SGSH: variants seen among roughly 807,000 people sequenced by gnomAD.
SGSH encodes the protein N-sulfoglucosamine sulfohydrolase, also known as heparan sulfate sulfatase.
A neutral mutation model predicts 51.0 loss-of-function variants in SGSH; 48 were observed. The ratio of observed to expected loss-of-function variants is 0.94; its 90% CI spans 0.75 to 1.20. The LOEUF (loss-of-function observed/expected upper bound fraction) is 1.20. Ranked by LOEUF, SGSH falls within the 50% of genes most tolerant of loss-of-function variation. The pLI is 0.00. For missense variants in SGSH, 662 were observed against 717.8 expected (o/e 0.92, Z 0.89); for synonymous variants, 321 against 313.4 (o/e 1.02, Z -0.26).
Position 80,220,329 on chromosome 17 carries a change from G to T in SGSH, c.-16C>A, listed in dbSNP as rs566268948. ...GGCAGCTCATGGCGGCGGCGGCTCG[G>T]ACTCGGGATCGGGATCCGGCTCCGG... On this transcript the variant is annotated 5_prime_UTR_variant, in exon 1 of 8. Transcript: ENST00000326317. 1.3e-6 allele frequency: 2 copies of T among 1,482,968 alleles called. No homozygotes were observed. The highest frequency in any genetic ancestry group is 1.8e-6 in the Non-Finnish European group (2 of 1,122,396). The allele number at this position is 1,482,968 out of a possible 1,614,324, so 91.9% of individuals were successfully genotyped here.
chr17:80,204,044 C>G (rs1015923037), downstream of SGSH: 3 of 791,862 alleles, frequency 3.8e-6, no homozygotes. Flanking sequence ...AGGGCAGGGT[C>G]TGCAGCCCCT....
downstream of SGSH, chr17:80,204,497 A>G: frequency 1.5e-6 from 1 of 658,476 alleles, no homozygotes; most frequent in East Asian, 3.0e-5. Flanking sequence ...GGTGGCGCAC[A>G]CCTGTAATCC....
intron 2 of SGSH, 165 bp downstream of exon 2, chr17:80,216,867 T>G (rs567448573): frequency 6.2e-5 from 42 of 679,164 alleles, no homozygotes; most frequent in South Asian, 6.1e-4. Context: ...TCGGAGCCCC[T>G]AGTCTGCACT....
At position 80,214,605 on chromosome 17, in the gene SGSH, C is replaced by G. The variant is rs549782167; in HGVS notation, c.506+10G>C. 1.2e-6 allele frequency: 2 copies of G among 1,611,156 alleles called. No homozygotes were observed. The highest frequency in any genetic ancestry group is 1.7e-6 in the Non-Finnish European group (2 of 1,179,068). ...CGCCAGGGGGAAGGGGCAGGGGCCCCGACTCATACCGGTCATCCTGAGTCT... is the reference window on the plus strand; with the variant it reads ...CGCCAGGGGGAAGGGGCAGGGGCCCGGACTCATACCGGTCATCCTGAGTCT... On this transcript the variant is annotated intron_variant, in intron 4 of 7. Coordinates refer to ENST00000326317, the MANE Select transcript of SGSH (RefSeq NM_000199.5).
chr17:80,218,097 C>T (rs948161243), intron 1 of SGSH, among the ~76,000 whole-genome samples: 6 of 152,228 alleles, frequency 3.9e-5, no homozygotes, highest in Non-Finnish European at 7.3e-5. Context: ...GCGTGTTAGC[C>T]GGCTAGGCAT....
rs104894640 is a variant in SGSH at position 80,210,856 on chromosome 17, C to A, written c.1105G>T (p.Glu369Ter). 4.3e-6 allele frequency: 7 copies of A among 1,613,622 alleles called. No individual in the cohort carries two copies. The highest frequency in any genetic ancestry group is 5.9e-6 in the Non-Finnish European group (7 of 1,180,016). Residue 369 changes from glutamate (E) to a stop codon, truncating the protein, a stop_gained, in exon 8 of 8, where the codon GAG (glutamate) becomes TAG (stop). Coordinates refer to ENST00000326317, the MANE Select transcript of SGSH (RefSeq NM_000199.5). LOFTEE classifies it high-confidence loss of function. ...CGCATGGGGTAGGACATGGTGACCT[C>A]GTGGTGGCTCTGGCTGCCAAAGACG... ...ATVFGSQSHH[E>*]VTMSYPMRSV... is the part of the protein sequence containing the mutation.
chr17:80,215,140 T>C lies in SGSH; in HGVS notation c.250-2A>G, dbSNP rs745319635. ...CAGCCCGTACATCCCATTCTGATGC[T>C]GCCAGCAAAGGCGCATGAGGTCCGG... On this transcript the variant is annotated splice_acceptor_variant, in intron 2 of 7. Coordinates refer to ENST00000326317, the MANE Select transcript of SGSH (RefSeq NM_000199.5). LOFTEE classifies it high-confidence loss of function. The C allele has an allele frequency of 9.9e-6, 16 of 1,609,820 alleles. No individual in the cohort carries two copies. The highest frequency in any genetic ancestry group is 1.7e-6 in the Non-Finnish European group (2 of 1,179,328).
chr17:80,215,062 A>C lies in SGSH; in HGVS notation c.326T>G (p.Leu109Arg). 1 of 1,611,942 alleles carries C rather than the reference A, an allele frequency of 6.2e-7. No homozygotes were observed. Among genetic ancestry groups the C allele is most frequent in the Non-Finnish European group, 8.5e-7 (1 of 1,179,902 alleles). ...NSFDKVRSLP[L>R]LLSQAGVRTG... ...GCGCACACCAGCTTGGCTGAGCAGCAGCGGCAGGCTCCGCACCTTGTCGAA... is the reference window on the plus strand; with the variant it reads ...GCGCACACCAGCTTGGCTGAGCAGCCGCGGCAGGCTCCGCACCTTGTCGAA... The change falls in exon 3 of 8, where the codon CTG (leucine) becomes CGG (arginine). Residue 109 changes from leucine (L) to arginine (R), a missense_variant. By Grantham distance (102) the Leu-to-Arg change is moderately radical. Coordinates refer to ENST00000326317, the MANE Select transcript of SGSH (RefSeq NM_000199.5).
rs1488462647 is a variant in SGSH, at chr17:80,209,638, T to C, written c.*814A>G. 7 of 940,554 alleles carry C rather than the reference T, an allele frequency of 7.4e-6. No individual in the cohort carries two copies. Among genetic ancestry groups the C allele is most frequent in the Non-Finnish European group, 7.6e-6 (6 of 790,392 alleles). 58.3% of individuals were successfully genotyped at this position (940,554 alleles called of 1,614,324 possible). ...GGGCATTGCCACCCAGCAACGCCAG[T>C]GTCACCGAAGAATTAACCCAAGCCA... On this transcript the variant is annotated 3_prime_UTR_variant, in exon 8 of 8. Transcript: ENST00000326317.
rs368406494 is a variant in SGSH at position 80,212,050 on chromosome 17, C to T, written c.949+21G>A. ...AGATCCACTCCCACACCTTTCCTGA[C>T]GGAGACAGACAAAGGCATACCTAGG... On this transcript the variant is annotated intron_variant, in intron 7 of 7. Transcript: ENST00000326317. The surrounding 1 kb of genome is among the most constrained non-coding windows in gnomAD (Gnocchi z 5.9). The T allele has an allele frequency of 2.9e-5, 47 of 1,607,944 alleles. No individual in the cohort carries two copies. The highest frequency in any genetic ancestry group is 6.7e-5 in the East Asian group (3 of 44,846).
Position 80,213,559 on chromosome 17 carries a change from C to T in SGSH, c.745+245G>A, listed in dbSNP as rs892808383. The T allele has an allele frequency of 1.7e-6, 1 of 580,994 alleles. No homozygotes were observed. Among genetic ancestry groups the T allele is most frequent in the African/African-American group, 1.9e-5 (1 of 53,536 alleles). The allele number at this position is 580,994 out of a possible 1,614,324, so 36.0% of individuals were successfully genotyped here. ...TGTGACTGGAAATATCTGAAGTCTT[C>T]ACGCAACCTCTGGGGCACCCGAAGG... On this transcript the variant is annotated intron_variant, in intron 6 of 7. Transcript: ENST00000326317. This position sits in a 1 kb window ranked among gnomAD's most constrained non-coding sequence, Gnocchi z 4.6.
rs143223388 is a variant in SGSH, at chr17:80,210,980, C to T, written c.981G>A (p.Ser327=). The change falls in exon 8 of 8, where the codon TCG becomes TCA. Residue 327 remains serine (S), a synonymous_variant. Coordinates refer to ENST00000326317, the MANE Select transcript of SGSH (RefSeq NM_000199.5). ...DLTPTILDWF[S]IPYPSYAIFG... ...AGATGGCGTAGCTGGGGTACGGGAT[C>T]GAGAACCAATCCAAGATGGTGGGCG... 47 of 1,599,266 alleles carry T rather than the reference C, an allele frequency of 2.9e-5. No individual in the cohort carries two copies. Among genetic ancestry groups the T allele is most frequent in the South Asian group, 1.9e-4 (17 of 91,076 alleles).
At chr17:80,204,000 C>A (rs368429580), downstream of SGSH, 54 of 901,012 alleles carry the variant, frequency 6.0e-5, 1 homozygote, top group African/African-American at 5.7e-4. The surrounding 1 kb of genome is among the most constrained non-coding windows in gnomAD (Gnocchi z 4.6). Flanking sequence ...TGGAGGGTAA[C>A]CCCACCTGTC....
downstream of SGSH, chr17:80,203,629 T>C (rs1311677869): frequency 7.6e-6 from 4 of 522,920 alleles, no homozygotes; most frequent in African/African-American, 2.0e-5. This position sits in a 1 kb window ranked among gnomAD's most constrained non-coding sequence, Gnocchi z 4.6. Flanking sequence ...CTGGAGTCTT[T>C]TGAAAGCTCT....
Position 80,210,818 on chromosome 17 carries a change from G to C in SGSH, c.1143C>G (p.His381Gln), listed in dbSNP as rs754489648. The C allele has an allele frequency of 6.2e-7, 1 of 1,613,940 alleles. No homozygotes were observed. The highest frequency in any genetic ancestry group is 8.5e-7 in the Non-Finnish European group (1 of 1,180,046). Reference protein sequence around the residue: ...TMSYPMRSVQHRHFRLVHNLN... With the variant: ...TMSYPMRSVQQRHFRLVHNLN... ...GGTTGTGCACGAGGCGGAAGTGCCG[G>C]TGCTGCACGGAGCGCATGGGGTAGG... is the stretch of plus-strand genomic sequence containing the variant. The change falls in exon 8 of 8, where the codon CAC becomes CAG. Residue 381 changes from histidine to glutamine, a missense_variant. His to Gln is a conservative substitution (Grantham distance 24). Transcript: ENST00000326317.
Position 80,213,851 on chromosome 17 carries a change from C to G in SGSH, c.698G>C (p.Arg233Pro). 1 of 1,608,668 alleles carries G rather than the reference C, an allele frequency of 6.2e-7. No individual in the cohort carries two copies. The highest frequency in any genetic ancestry group is 8.5e-7 in the Non-Finnish European group (1 of 1,179,312). ...GGTGTACTGAGCGGCCAGGTCGGCT[C>G]GGGCTGCCGGGGTGTTGGGGACGAA... Reference protein sequence around the residue: ...PYFVPNTPAARADLAAQYTTV... With the variant: ...PYFVPNTPAAPADLAAQYTTV... Residue 233 changes from arginine to proline, a missense_variant, in exon 6 of 8, where the codon CGA becomes CCA. Arg to Pro is a moderately radical substitution (Grantham distance 103). Coordinates refer to ENST00000326317, the MANE Select transcript of SGSH (RefSeq NM_000199.5). The surrounding 1 kb of genome is among the most constrained non-coding windows in gnomAD (Gnocchi z 4.6).
chr17:80,203,818 G>GCA (rs2041123174), downstream of SGSH: 1 of 1,570,030 alleles, frequency 6.4e-7, no homozygotes, highest in Non-Finnish European at 8.6e-7. The surrounding 1 kb of genome is among the most constrained non-coding windows in gnomAD (Gnocchi z 4.6). Context: ...GCTGGTCTCT[G>GCA]CAGGGCTCAG....
downstream of SGSH, chr17:80,201,817 T>G: frequency 6.2e-7 from 1 of 1,614,042 alleles, no homozygotes; most frequent in South Asian, 1.1e-5. The surrounding 1 kb of genome is among the most constrained non-coding windows in gnomAD (Gnocchi z 5.0). Flanking sequence ...GCCGTGGGGC[T>G]TCTCAGGAGG....
In SGSH at chr17:80,213,719, T is replaced by C; in HGVS notation, c.745+85A>G. ...GCCACACTGGGACCCTCACCCACAT[T>C]ATGCCGTGACCTAAGAGGGCGCTGG... On this transcript the variant is annotated intron_variant, in intron 6 of 7. Transcript: ENST00000326317. The surrounding 1 kb of genome is among the most constrained non-coding windows in gnomAD (Gnocchi z 4.6). 2 of 1,192,634 alleles carry C rather than the reference T, an allele frequency of 1.7e-6. No homozygotes were observed. Among genetic ancestry groups the C allele is most frequent in the Non-Finnish European group, 2.4e-6 (2 of 833,306 alleles). 73.9% of individuals were successfully genotyped at this position (1,192,634 alleles called of 1,614,324 possible).
Sources: allele counts gnomAD v4.1 joint callset (sites outside exome capture counted in the v4.1 genomes callset), GRCh38; gene constraint gnomAD v4.1.1; non-coding constraint Gnocchi (gnomAD v3.1); transcripts MANE v1.5; gene names NCBI Gene and HGNC (gene_info 2026-07-23, HGNC 2026-07-21).